Variants in TMEM132A observed in about 807,000 individuals in gnomAD.
TMEM132A encodes GRP78-binding protein.
Under a neutral mutation model 69.9 loss-of-function variants are expected in TMEM132A, and 48 were observed. The observed-to-expected ratio is 0.69, with a 90% CI of 0.55 to 0.87. The LOEUF (loss-of-function observed/expected upper bound fraction) is 0.87. TMEM132A is among the 40% of genes least tolerant of loss of function. The probability of loss-of-function intolerance (pLI) is 0.00; values close to 1 mark genes in which losing one functional copy is unlikely to be tolerated. For synonymous variants in TMEM132A, 577 were observed against 613.7 expected, an observed-to-expected ratio of 0.94 and a Z score of 0.88; for missense variants, 1,287 against 1,407.2, an observed-to-expected ratio of 0.91 and a Z score of 1.37.
chr11:60,935,689 A>G lies in TMEM132A; in HGVS notation c.2029-175A>G. The G allele has an allele frequency of 1.2e-6, 1 of 842,480 alleles. No homozygotes were observed. Among genetic ancestry groups the G allele is most frequent in the Non-Finnish European group, 1.8e-6 (1 of 547,222 alleles). 52.2% of individuals were successfully genotyped at this position (842,480 alleles called of 1,614,324 possible). A position where few individuals can be genotyped will look rare whatever the true frequency, so the allele number is the denominator to read the frequency against. ...CCCAATAACTCAGACCCTAGGGCTGAGTGGCAGACAGGTGATTGACACGCG... is the reference window on the plus strand; with the variant it reads ...CCCAATAACTCAGACCCTAGGGCTGGGTGGCAGACAGGTGATTGACACGCG... On this transcript the variant is annotated intron_variant, in intron 10 of 10. Coordinates refer to ENST00000453848, the MANE Select transcript of TMEM132A (RefSeq NM_178031.3). The surrounding 1 kb of genome is among the most constrained non-coding windows in gnomAD (Gnocchi z 5.0).
intron 9 of TMEM132A, 123 bp downstream of exon 9, chr11:60,934,887 T>G: frequency 9.5e-7 from 1 of 1,047,966 alleles, no homozygotes; most frequent in Non-Finnish European, 1.3e-6. Context: ...TTGTGCGGTC[T>G]AGGTCTGAGT....
Position 60,935,698 on chromosome 11 carries a change from C to G in TMEM132A, c.2029-166C>G. 1.1e-6 allele frequency: 1 copy of G among 885,778 alleles called. No individual in the cohort carries two copies. The allele number at this position is 885,778 out of a possible 1,614,324, so 54.9% of individuals were successfully genotyped here. A position where few individuals can be genotyped will look rare whatever the true frequency, so the allele number is the denominator to read the frequency against. On this transcript the variant is annotated intron_variant, in intron 10 of 10. Coordinates refer to ENST00000453848, the MANE Select transcript of TMEM132A (RefSeq NM_178031.3). This position sits in a 1 kb window ranked among gnomAD's most constrained non-coding sequence, Gnocchi z 5.0. Reference sequence around the variant, plus strand: ...TCAGACCCTAGGGCTGAGTGGCAGACAGGTGATTGACACGCGTCCCCTCTC... The same window carrying G: ...TCAGACCCTAGGGCTGAGTGGCAGAGAGGTGATTGACACGCGTCCCCTCTC...
In TMEM132A at chr11:60,936,181, G is replaced by A. The variant is rs775053550; in HGVS notation, c.2346G>A (p.Trp782Ter). ...CTGCTCTCCCATCCAGCCCTGCTTG[G>A]AGCCCACCAGCCACAGAAGCCACCA... is the stretch of plus-strand genomic sequence containing the variant. ...PAPALPSSPA[W>*]SPPATEATMG... The change falls in exon 11 of 11, where the codon TGG becomes TGA. Residue 782 changes from tryptophan to a stop codon, truncating the protein, a stop_gained. Coordinates refer to ENST00000453848, the MANE Select transcript of TMEM132A (RefSeq NM_178031.3). LOFTEE classifies it low-confidence loss of function (END_TRUNC). 6.2e-7 allele frequency: 1 copy of A among 1,613,928 alleles called. No individual in the cohort carries two copies. Among genetic ancestry groups the A allele is most frequent in the East Asian group, 2.2e-5 (1 of 44,856 alleles).
rs1295529647 is a variant in TMEM132A at position 60,927,884 on chromosome 11, C to G, written c.534+25C>G. The G allele has an allele frequency of 5.7e-6, 9 of 1,577,788 alleles. No homozygotes were observed. The East Asian group carries it at 2.0e-4, about 36-fold the overall frequency. On this transcript the variant is annotated intron_variant, in intron 3 of 10. Coordinates refer to ENST00000453848, the MANE Select transcript of TMEM132A (RefSeq NM_178031.3). The stretch of plus-strand genomic sequence containing the variant: ...GGTGAGTAGACAGGCCCCACCTAGG[C>G]TGGTCCTGCTGCAGCTGCATCAGCC...
At chr11:60,933,517 C>A in intron 7 of TMEM132A, 25 bp from the exon 8 acceptor site, 1 of 1,591,728 alleles carries the variant, frequency 6.3e-7, no homozygotes, top group Non-Finnish European at 8.5e-7. Context: ...CTTAGCCCGC[C>A]CACCTGCCCT....
intron 3 of TMEM132A, 131 bp downstream of exon 3, chr11:60,927,990 C>A: frequency 1.4e-6 from 1 of 722,814 alleles, no homozygotes; most frequent in Non-Finnish European, 2.2e-6. Context: ...CCATTTCTGC[C>A]CCCACTAGCT....
Position 60,936,034 on chromosome 11 carries a change from C to T in TMEM132A, c.2199C>T (p.Ala733=), listed in dbSNP as rs758878335. The T allele has an allele frequency of 3.3e-5, 52 of 1,594,486 alleles. 2 individuals carry two copies. The Middle Eastern group carries it at 1.8e-3, about 55-fold the overall frequency. The change falls in exon 11 of 11, where the codon GCC becomes GCT. Residue 733 remains alanine, a synonymous_variant. Transcript: ENST00000453848. ...QLGVVVSGAG[A]EGLPLHVALH... is the part of the protein sequence containing the mutation. Reference sequence around the variant, plus strand: ...GGGTGGTGGTGAGTGGGGCAGGCGCCGAGGGGCTGCCGCTGCATGTGGCTC... The same window carrying T: ...GGGTGGTGGTGAGTGGGGCAGGCGCTGAGGGGCTGCCGCTGCATGTGGCTC...
intron 2 of TMEM132A, 29 bp downstream of exon 2, chr11:60,927,447 G>C (rs1856371240): frequency 1.9e-6 from 3 of 1,589,754 alleles, no homozygotes; most frequent in Non-Finnish European, 2.6e-6. Context: ...GGACTCTCAG[G>C]CTAACAGGAC....
intron 5 of TMEM132A, 86 bp downstream of exon 5, chr11:60,930,745 G>A (rs761974637): frequency 4.3e-5 from 58 of 1,358,124 alleles, no homozygotes; most frequent in Non-Finnish European, 5.3e-5. Context: ...CTGCCATGCT[G>A]CCTCTAGATC....
rs761840986 is a variant in TMEM132A, at chr11:60,935,822, C to T, written c.2029-42C>T. 8.8e-6 allele frequency: 14 copies of T among 1,598,468 alleles called. No homozygotes were observed. The highest frequency in any genetic ancestry group is 1.7e-5 in the Admixed American group (1 of 58,716). The stretch of plus-strand genomic sequence containing the variant: ...GGAGTGGTTTCTCTGTGCATGCGTG[C>T]GTGCCCTCGCATGTCTCTGCCTGTG... On this transcript the variant is annotated intron_variant, in intron 10 of 10. Coordinates refer to ENST00000453848, the MANE Select transcript of TMEM132A (RefSeq NM_178031.3). The surrounding 1 kb of genome is among the most constrained non-coding windows in gnomAD (Gnocchi z 5.0).
chr11:60,930,472 T>A (rs1856450716), intron 4 of TMEM132A, 38 bp from the exon 5 acceptor site: 2 of 1,556,088 alleles, frequency 1.3e-6, no homozygotes, highest in Non-Finnish European at 1.7e-6. Flanking sequence ...CAGTTCAGCA[T>A]GCACCTTGCC....
chr11:60,936,008 G>T lies in TMEM132A; in HGVS notation c.2173G>T (p.Gly725Trp), dbSNP rs376877652. 6.2e-7 allele frequency: 1 copy of T among 1,607,926 alleles called. No individual in the cohort carries two copies. ...LPAEEQGAQL[G>W]VVVSGAGAEG... ...AGCTGAGGAGCAGGGTGCCCAGCTC[G>T]GGGTGGTGGTGAGTGGGGCAGGCGC... Residue 725 changes from glycine to tryptophan, a missense_variant, in exon 11 of 11, where the codon GGG becomes TGG. Gly to Trp is a radical substitution (Grantham distance 184). Transcript: ENST00000453848.
intron 8 of TMEM132A, 164 bp from the exon 9 acceptor site, chr11:60,934,324 G>A: frequency 1.7e-6 from 1 of 599,052 alleles, no homozygotes; most frequent in Non-Finnish European, 2.5e-6. Context: ...GCCTGCAGGT[G>A]GAAGGGCCTG....
At chr11:60,931,108 C>T (rs1856471265) in intron 5 of TMEM132A, among the ~76,000 whole-genome samples, 1 of 152,222 alleles carries the variant, frequency 6.6e-6, no homozygotes. Flanking sequence ...AATTCTGGTT[C>T]TGATGCTTTT....
rs778183039 is a variant in TMEM132A, at chr11:60,935,458, G to A, written c.2028+15G>A. 7 of 1,586,346 alleles carry A rather than the reference G, an allele frequency of 4.4e-6. No individual in the cohort carries two copies. Among genetic ancestry groups the A allele is most frequent in the South Asian group, 2.3e-5 (2 of 87,138 alleles). On this transcript the variant is annotated intron_variant, in intron 10 of 10. Transcript: ENST00000453848. This position sits in a 1 kb window ranked among gnomAD's most constrained non-coding sequence, Gnocchi z 5.0. ...CCCCAAAGCAGGTGACAGTTGGGGG[G>A]TCAGGGGGATGAGGTCAACATCTCC...
chr11:60,928,933 A>C lies in TMEM132A; in HGVS notation c.839A>C (p.Asn280Thr). 1 of 1,612,566 alleles carries C rather than the reference A, an allele frequency of 6.2e-7. No homozygotes were observed. The change falls in exon 4 of 11, where the codon AAC becomes ACC. Residue 280 changes from asparagine (N) to threonine (T), a missense_variant. By Grantham distance (65) the Asn-to-Thr change is moderately conservative. Coordinates refer to ENST00000453848, the MANE Select transcript of TMEM132A (RefSeq NM_178031.3). ...LFSATLLLRHNFTASLLTLRI... is the reference protein window; with the variant it reads ...LFSATLLLRHTFTASLLTLRI... ...AGTGCTACCCTCCTGCTTCGGCACA[A>C]CTTCACAGCCAGCCTCCTGACCCTG...
At chr11:60,928,486 C>A in intron 3 of TMEM132A, 143 bp from the exon 4 acceptor site, 1 of 761,478 alleles carries the variant, frequency 1.3e-6, no homozygotes, top group Non-Finnish European at 2.1e-6. Context: ...TTTGCTGTGT[C>A]ACTCAGGCTG....
intron 4 of TMEM132A, among the ~76,000 whole-genome samples, chr11:60,929,452 T>C (rs1856428361): frequency 6.6e-6 from 1 of 152,174 alleles, no homozygotes; most frequent in South Asian, 2.1e-4. Context: ...TTTGTGTCCT[T>C]TTCCGTAATA....
intron 5 of TMEM132A, among the ~76,000 whole-genome samples, chr11:60,931,380 G>T (rs536753745): frequency 1.3e-5 from 2 of 152,314 alleles, no homozygotes; most frequent in South Asian, 2.1e-4. Context: ...TGTGGAAAGC[G>T]GAAGTCTGGG....
Sources: gnomAD v4.1 joint callset for allele counts (sites outside exome capture counted in the v4.1 genomes callset) on GRCh38, gnomAD v4.1.1 for gene constraint, Gnocchi (gnomAD v3.1) non-coding constraint, MANE v1.5 for transcripts, NCBI Gene and HGNC (gene_info 2026-07-23, HGNC 2026-07-21) for gene names.